The following DENND2B variants were observed in gnomAD, a reference collection of about 807,000 sequenced individuals.
DENND2B encodes the protein DENN domain-containing protein 2B.
In DENND2B, 32 loss-of-function variants were observed where a neutral mutation model predicts 116.0. The observed-to-expected ratio is 0.28, with a 90% CI of 0.21 to 0.37. DENND2B has a LOEUF of 0.37. DENND2B is among the 10% of genes least tolerant of loss of function. DENND2B has a pLI of 1.00. For missense variants in DENND2B, 1,276 were observed against 1,477.7 expected (o/e 0.86, Z 2.24); for synonymous variants, 588 against 583.9 (o/e 1.01, Z -0.10).
intron 2 of DENND2B, among the ~76,000 whole-genome samples, chr11:8,739,127 G>A (rs191629740): frequency 2.6e-5 from 4 of 152,344 alleles, no homozygotes; most frequent in Non-Finnish European, 4.4e-5. Context: ...GAATGAAAAT[G>A]TAAATAGTTA....
intron 4 of DENND2B, among the ~76,000 whole-genome samples, chr11:8,829,216 T>C (rs915089750): frequency 7.3e-5 from 11 of 151,682 alleles, no homozygotes; most frequent in Admixed American, 2.0e-4. Context: ...TGCATGTGCA[T>C]GTGCAGCATA....
intron 1 of DENND2B, among the ~76,000 whole-genome samples, chr11:8,775,000 C>T (rs1003027570): frequency 2.0e-5 from 3 of 151,996 alleles, no homozygotes; most frequent in African/African-American, 7.3e-5. Context: ...CCCACCTCAG[C>T]CTCCTGAGTA....
At chr11:8,752,264 C>A (rs1593167478) in intron 1 of DENND2B, among the ~76,000 whole-genome samples, 1 of 152,258 alleles carries the variant, frequency 6.6e-6, no homozygotes, top group Non-Finnish European at 1.5e-5. Flanking sequence ...CCAGCCTGGG[C>A]AACATGGTGA....
intron 5 of DENND2B, among the ~76,000 whole-genome samples, chr11:8,716,788 C>T (rs890438269): frequency 6.6e-6 from 1 of 152,122 alleles, no homozygotes; most frequent in Non-Finnish European, 1.5e-5. Flanking sequence ...GCTGGGACTA[C>T]AGGCGTGCGC....
intron 1 of DENND2B, chr11:8,766,673 G>A (rs921934875): frequency 7.0e-6 from 9 of 1,288,078 alleles, no homozygotes; most frequent in Middle Eastern, 2.1e-4. Flanking sequence ...CCAGCTATGC[G>A]CCCCACCTCC....
At position 8,714,657 on chromosome 11, in the gene DENND2B, C is replaced by A. The variant is rs1592594668; in HGVS notation, c.1895G>T (p.Arg632Ile). 5.0e-6 allele frequency: 8 copies of A among 1,614,204 alleles called. No homozygotes were observed. The East Asian group carries it at 1.6e-4, about 31-fold the overall frequency. ...SIYNAKRGKK[R>I]LKKLSMSSIE... ...GCTGGACATAGACAACTTTTTTAAT[C>A]TCTTCTTTCCTCTCTTGGCATTGTA... The change falls in exon 7 of 20, where the codon AGA becomes ATA. Residue 632 changes from arginine to isoleucine, a missense_variant. Physicochemically the swap from Arg to Ile is moderately conservative, Grantham distance 97 (BLOSUM62 -3). Coordinates refer to ENST00000313726, the MANE Select transcript of DENND2B (RefSeq NM_213618.2).
At chr11:8,885,817 T>G (rs532912194) in intron 1 of DENND2B, among the ~76,000 whole-genome samples, 1 of 152,342 alleles carries the variant, frequency 6.6e-6, no homozygotes, top group South Asian at 2.1e-4. Context: ...AGAAGGATTT[T>G]GGAAATGGTG....
intron 8 of DENND2B, among the ~76,000 whole-genome samples, 185 bp downstream of exon 8, chr11:8,713,812 TC>T (rs2044224218): frequency 1.3e-5 from 2 of 152,212 alleles, no homozygotes; most frequent in Non-Finnish European, 2.9e-5. Flanking sequence ...AGGGCTGAGC[TC>T]ACATGTCTAT....
chr11:8,894,808 A>G (rs2064079158), intron 1 of DENND2B, among the ~76,000 whole-genome samples: 1 of 152,200 alleles, frequency 6.6e-6, no homozygotes, highest in Non-Finnish European at 1.5e-5. Context: ...GTGGGACTGT[A>G]AACTAGTTCA....
At chr11:8,751,363 G>A (rs372157489) in intron 1 of DENND2B, among the ~76,000 whole-genome samples, 41 of 152,266 alleles carry the variant, frequency 2.7e-4, no homozygotes, top group African/African-American at 9.6e-4. Context: ...GATGTGGGTG[G>A]GGCCAGATAA....
At chr11:8,810,289 A>T (rs2061274445) in intron 1 of DENND2B, 1 of 152,144 alleles carries the variant, frequency 6.6e-6, no homozygotes, top group African/African-American at 2.4e-5. Context: ...GTGAAGTCTA[A>T]ACACCTCAGA....
intron 13 of DENND2B, chr11:8,703,492 G>C (rs1051761663): frequency 3.5e-4 from 54 of 152,544 alleles, no homozygotes; most frequent in African/African-American, 1.3e-3. Context: ...CCAGCGGTGA[G>C]GGCAGGAGGA....
At chr11:8,713,898 C>A (rs2044240406) in intron 8 of DENND2B, 100 bp downstream of exon 8, 2 of 1,321,456 alleles carry the variant, frequency 1.5e-6, no homozygotes, top group African/African-American at 2.9e-5. Flanking sequence ...CCACATCAGG[C>A]CGGTTAGGGA....
At chr11:8,749,084 A>G (rs1420243087) in intron 2 of DENND2B, among the ~76,000 whole-genome samples, 1 of 152,228 alleles carries the variant, frequency 6.6e-6, no homozygotes, top group Non-Finnish European at 1.5e-5. Flanking sequence ...GTGATATTCT[A>G]AAAAACTGGA....
chr11:8,725,519 T>C (rs1194885539), intron 4 of DENND2B, among the ~76,000 whole-genome samples: 1 of 151,934 alleles, frequency 6.6e-6, no homozygotes, highest in Non-Finnish European at 1.5e-5. Flanking sequence ...GGATTACAGG[T>C]GCCTGCCACC....
At chr11:8,781,196 A>G (rs1197092164) in intron 1 of DENND2B, among the ~76,000 whole-genome samples, 2 of 152,196 alleles carry the variant, frequency 1.3e-5, no homozygotes, top group East Asian at 3.8e-4. Flanking sequence ...TAATTATGCC[A>G]AAAAGAGGAC....
intron 1 of DENND2B, among the ~76,000 whole-genome samples, chr11:8,797,676 T>C (rs900997169): frequency 1.3e-5 from 2 of 151,942 alleles, no homozygotes; most frequent in African/African-American, 4.8e-5. Flanking sequence ...CTTCAAACTC[T>C]TGGGTTCCAG....
intron 14 of DENND2B, chr11:8,700,065 G>T (rs1592344024): frequency 7.2e-6 from 1 of 139,262 alleles, no homozygotes; most frequent in South Asian, 5.0e-5. Flanking sequence ...GAGCTGGCCT[G>T]GGGGGGGGCA....
chr11:8,712,422 G>T lies in DENND2B; in HGVS notation c.2172+129C>A. ...CTTCCCTCCTGGCTGAGAGGAGGCA[G>T]GTTCAGGGCTGTGGCAGCTCGGTGA... On this transcript the variant is annotated intron_variant, in intron 9 of 19. Transcript: ENST00000313726. This position sits in a 1 kb window ranked among gnomAD's most constrained non-coding sequence, Gnocchi z 4.4. 9.2e-7 allele frequency: 1 copy of T among 1,083,036 alleles called. No homozygotes were observed. Among genetic ancestry groups the T allele is most frequent in the Non-Finnish European group, 1.3e-6 (1 of 772,828 alleles). 67.1% of individuals were successfully genotyped at this position (1,083,036 alleles called of 1,614,324 possible).
Sources: allele counts gnomAD v4.1 joint callset (sites outside exome capture counted in the v4.1 genomes callset), GRCh38; gene constraint gnomAD v4.1.1; non-coding constraint Gnocchi (gnomAD v3.1); transcripts MANE v1.5; gene names NCBI Gene and HGNC (gene_info 2026-07-23, HGNC 2026-07-21).